The following PRTG variants were observed in gnomAD, a reference collection of about 807,000 sequenced individuals.
PRTG encodes the protein protogenin.
A neutral mutation model predicts 122.5 loss-of-function variants in PRTG; 67 were observed. The ratio of observed to expected loss-of-function variants is 0.55; its 90% CI spans 0.45 to 0.67. The LOEUF (loss-of-function observed/expected upper bound fraction) is 0.67. PRTG is among the 30% of genes least tolerant of loss of function. The pLI is 0.00. For synonymous variants in PRTG, 554 were observed against 501.1 expected (o/e 1.11, Z -1.41); for missense variants, 1,435 against 1,415.4 (o/e 1.01, Z -0.22).
chr15:55,689,078 T>A (rs906868144), intron 2 of PRTG, among the ~76,000 whole-genome samples: 14 of 152,206 alleles, frequency 9.2e-5, no homozygotes, highest in African/African-American at 3.4e-4. Context: ...CCTGAACCAC[T>A]ATCAGCCTCT....
intron 2 of PRTG, among the ~76,000 whole-genome samples, chr15:55,731,977 C>T (rs1035039608): frequency 5.3e-5 from 8 of 152,264 alleles, no homozygotes; most frequent in Admixed American, 2.0e-4. Context: ...TCAGCTATAT[C>T]GCTCCTAGGC....
chr15:55,670,897 TCACAAACACACA>T (rs1210489376), intron 11 of PRTG, among the ~76,000 whole-genome samples: 1 of 102,028 alleles, frequency 9.8e-6, no homozygotes. Flanking sequence ...TAAAACTCCG[TCACAAACACACA>T]CACACACACA....
At chr15:55,640,774 C>T (rs1437914393) in intron 12 of PRTG, among the ~76,000 whole-genome samples, 1 of 151,872 alleles carries the variant, frequency 6.6e-6, no homozygotes, top group African/African-American at 2.4e-5. Context: ...CTTTGGGAGG[C>T]CAAGGCGGGT....
intron 10 of PRTG, 110 bp downstream of exon 10, chr15:55,673,261 A>G: frequency 2.4e-6 from 2 of 826,018 alleles, no homozygotes; most frequent in South Asian, 4.1e-5. Flanking sequence ...CATCTATGGA[A>G]TATTTTTATT....
chr15:55,684,482 G>A (rs1185512828), intron 2 of PRTG, among the ~76,000 whole-genome samples: 1 of 152,188 alleles, frequency 6.6e-6, no homozygotes, highest in Non-Finnish European at 1.5e-5. Flanking sequence ...TGAGGAAACA[G>A]CCAGAACTAC....
rs1326585606 is a variant in PRTG, at chr15:55,618,460, C to T, written c.*1552G>A. 1 of 152,194 alleles carries T rather than the reference C, an allele frequency of 6.6e-6. No homozygotes were observed. The highest frequency in any genetic ancestry group is 1.5e-5 in the Non-Finnish European group (1 of 68,040). The allele number at this position is 152,194 out of a possible 1,614,324, so 9.4% of individuals were successfully genotyped here. On this transcript the variant is annotated 3_prime_UTR_variant, in exon 20 of 20. Coordinates refer to ENST00000389286, the MANE Select transcript of PRTG (RefSeq NM_173814.6). ...TTTAAAAGGATATGGGACCCCTTCT[C>T]TACACGCGTTTAGTTCTTTATCCTC...
chr15:55,625,943 A>C (rs916177983), intron 17 of PRTG, among the ~76,000 whole-genome samples: 1 of 151,970 alleles, frequency 6.6e-6, no homozygotes, highest in Non-Finnish European at 1.5e-5. Flanking sequence ...TGTAGAGATA[A>C]GATCTCACTA....
intron 4 of PRTG, 46 bp downstream of exon 4, chr15:55,682,318 C>T (rs373111252): frequency 1.4e-4 from 208 of 1,458,748 alleles, no homozygotes; most frequent in Non-Finnish European, 1.7e-4. Flanking sequence ...GTAACAACTG[C>T]GCCAATAAAA....
intron 11 of PRTG, among the ~76,000 whole-genome samples, chr15:55,652,962 G>A (rs1478793054): frequency 1.3e-5 from 2 of 152,066 alleles, no homozygotes; most frequent in Non-Finnish European, 1.5e-5. Context: ...TTAAAAACAG[G>A]TTTTTAGCTA....
intron 11 of PRTG, among the ~76,000 whole-genome samples, chr15:55,670,949 ACACACT>A (rs2059467091): frequency 9.9e-6 from 1 of 100,592 alleles, no homozygotes; most frequent in African/African-American, 3.4e-5. Flanking sequence ...ACACACACAC[ACACACT>A]TTGTGTGTGC....
chr15:55,652,138 T>G (rs570913646), intron 11 of PRTG, among the ~76,000 whole-genome samples: 7 of 152,322 alleles, frequency 4.6e-5, no homozygotes, highest in African/African-American at 1.4e-4. Context: ...TAGAAAAGCT[T>G]TGCTATAGTA....
At chr15:55,650,743 T>C (rs1202225955) in intron 11 of PRTG, among the ~76,000 whole-genome samples, 2 of 152,178 alleles carry the variant, frequency 1.3e-5, no homozygotes, top group South Asian at 2.1e-4. Flanking sequence ...GGGTGGCAGA[T>C]GGCTTGAGCT....
chr15:55,712,324 C>T (rs1348683839), intron 2 of PRTG, among the ~76,000 whole-genome samples: 1 of 152,166 alleles, frequency 6.6e-6, no homozygotes, highest in Non-Finnish European at 1.5e-5. Flanking sequence ...GACAAAGACC[C>T]CTGTCTCAAA....
At chr15:55,643,036 G>A (rs1047215386) in intron 11 of PRTG, among the ~76,000 whole-genome samples, 2 of 152,066 alleles carry the variant, frequency 1.3e-5, no homozygotes, top group Non-Finnish European at 2.9e-5. Context: ...CTGTGCTACC[G>A]TACTCCAGCC....
intron 2 of PRTG, among the ~76,000 whole-genome samples, chr15:55,719,327 CAG>C (rs1269952550): frequency 9.9e-5 from 15 of 152,104 alleles, no homozygotes; most frequent in African/African-American, 3.6e-4. Context: ...AAACAAAAAA[CAG>C]TGTGTTTGTT....
At chr15:55,723,575 T>A (rs1476845569) in intron 2 of PRTG, among the ~76,000 whole-genome samples, 2 of 151,978 alleles carry the variant, frequency 1.3e-5, no homozygotes, top group Non-Finnish European at 2.9e-5. Flanking sequence ...TCTATACACC[T>A]ACAAAACTTG....
intron 2 of PRTG, among the ~76,000 whole-genome samples, chr15:55,696,174 G>C (rs2059631148): frequency 6.6e-6 from 1 of 152,042 alleles, no homozygotes; most frequent in Non-Finnish European, 1.5e-5. Flanking sequence ...TGAGGTAAGA[G>C]GATCACTTGA....
chr15:55,710,527 G>A (rs1347430002), intron 2 of PRTG, among the ~76,000 whole-genome samples: 1 of 152,144 alleles, frequency 6.6e-6, no homozygotes, highest in African/African-American at 2.4e-5. Flanking sequence ...TGTGGATCTG[G>A]AGTTGTTTTT....
Position 55,636,369 on chromosome 15 carries a change from C to T in PRTG, c.2623+801G>A, listed in dbSNP as rs77674523. ...TAAGGTCTTCTCCCTTCAATCATAT[C>T]TCCTTCCAGTGTTTCCTTCTCCTTG... On this transcript the variant is annotated intron_variant, in intron 15 of 19. Transcript: ENST00000389286. 8.5e-3 allele frequency among the ~76,000 whole-genome samples: 1,290 copies of T among 152,010 alleles called. 16 individuals carry two copies. Among genetic ancestry groups the T allele is most frequent in the African/African-American group, 0.027 (1,128 of 41,474 alleles).
Sources: allele counts gnomAD v4.1 joint callset (sites outside exome capture counted in the v4.1 genomes callset), GRCh38; gene constraint gnomAD v4.1.1; transcripts MANE v1.5; gene names NCBI Gene and HGNC (gene_info 2026-07-23, HGNC 2026-07-21).